Variants in ABCA13 observed in about 807,000 individuals in gnomAD.
ABCA13 encodes ATP-binding cassette sub-family A member 13.
ABCA13 carries 476 observed loss-of-function variants against 478.7 expected under a neutral mutation model. The ratio of observed to expected loss-of-function variants is 0.99; its 90% CI spans 0.92 to 1.07. The LOEUF is 1.07. ABCA13 is among the 50% of genes least tolerant of loss of function. ABCA13 has a pLI of 0.00. For synonymous variants in ABCA13, 2,252 were observed against 2,158.9 expected, an observed-to-expected ratio of 1.04 and a Z score of -1.20; for missense variants, 6,060 against 5,910.6, an observed-to-expected ratio of 1.03 and a Z score of -0.83.
intron 36 of ABCA13, 116 bp from the exon 37 acceptor site, chr7:48,388,924 G>C (rs1470415855): frequency 1.7e-6 from 2 of 1,200,218 alleles, no homozygotes; most frequent in Non-Finnish European, 2.4e-6. Context: ...GAGTTGATTT[G>C]TGTGCTTCAC....
chr7:48,309,875 G>T, intron 23 of ABCA13, 72 bp from the exon 24 acceptor site: 1 of 1,552,882 alleles, frequency 6.4e-7, no homozygotes. Context: ...TGCCGATGAA[G>T]CTCCGGTCTG....
At chr7:48,585,308 A>G (rs1271485195) in intron 56 of ABCA13, among the ~76,000 whole-genome samples, 3 of 152,344 alleles carry the variant, frequency 2.0e-5, no homozygotes, top group East Asian at 3.9e-4. Context: ...TTCATATAAA[A>G]CATTCTGGGG....
chr7:48,499,898 A>G (rs946341707), intron 48 of ABCA13, among the ~76,000 whole-genome samples: 1 of 152,196 alleles, frequency 6.6e-6, no homozygotes, highest in Non-Finnish European at 1.5e-5. Context: ...TGCTCAACAT[A>G]CAATGAAATC....
intron 29 of ABCA13, among the ~76,000 whole-genome samples, chr7:48,347,856 C>G (rs1808348473): frequency 6.6e-6 from 1 of 152,236 alleles, no homozygotes; most frequent in African/African-American, 2.4e-5. Context: ...TGAGTGCTCT[C>G]TATGTGCCAG....
intron 35 of ABCA13, among the ~76,000 whole-genome samples, chr7:48,382,131 C>T (rs1353728414): frequency 6.6e-6 from 1 of 152,182 alleles, no homozygotes; most frequent in Non-Finnish European, 1.5e-5. Flanking sequence ...TCCCTGAAGC[C>T]ATTACCTTAG....
In ABCA13 at chr7:48,279,123, A is replaced by T. The variant is rs201410529; in HGVS notation, c.7929A>T (p.Thr2643=). The T allele has an allele frequency of 6.2e-7, 1 of 1,609,638 alleles. No homozygotes were observed. ...DILEEIAEFL[T]SVKMNLEDMR... is the part of the protein sequence containing the mutation. ...TGGAAGAAATTGCTGAATTTTTAAC[A>T]TCTGTGAAAATGAACTTGGAAGATA... The change falls in exon 18 of 62, where the codon ACA becomes ACT. Residue 2643 remains threonine, a synonymous_variant. Transcript: ENST00000435803.
chr7:48,388,091 C>A, intron 36 of ABCA13, 132 bp downstream of exon 36: 1 of 966,812 alleles, frequency 1.0e-6, no homozygotes, highest in Non-Finnish European at 1.4e-6. Context: ...TTTAGGCTGT[C>A]TTGGGCTGGG....
rs777790505 is a variant in ABCA13 at position 48,278,973 on chromosome 7, A to G, written c.7779A>G (p.Pro2593=). ...AAAAGATAAATGATTTGTTGGTGCC[A>G]TTTCTTGACTTGGCCTTTGAAATGA... ...TFEKINDLLV[P]FLDLAFEMIG... Residue 2593 remains proline, a synonymous_variant, in exon 18 of 62, where the codon CCA becomes CCG. Coordinates refer to ENST00000435803, the MANE Select transcript of ABCA13 (RefSeq NM_152701.5). 13 of 1,613,432 alleles carry G rather than the reference A, an allele frequency of 8.1e-6. No individual in the cohort carries two copies. Among genetic ancestry groups the G allele is most frequent in the Non-Finnish European group, 1.0e-5 (12 of 1,179,814 alleles).
chr7:48,199,660 A>T (rs1015482592), intron 3 of ABCA13, among the ~76,000 whole-genome samples: 5 of 152,222 alleles, frequency 3.3e-5, no homozygotes, highest in African/African-American at 1.2e-4. Flanking sequence ...ATTTGAAAAT[A>T]CTGTAAAGTG....
chr7:48,324,561 C>A (rs879223263), intron 27 of ABCA13, among the ~76,000 whole-genome samples: 6 of 152,138 alleles, frequency 3.9e-5, no homozygotes, highest in Admixed American at 2.0e-4. Flanking sequence ...ACTTGTGAAC[C>A]CTGTCCTTAT....
At chr7:48,199,439 G>A (rs952666342) in intron 3 of ABCA13, among the ~76,000 whole-genome samples, 3 of 152,164 alleles carry the variant, frequency 2.0e-5, no homozygotes, top group Non-Finnish European at 2.9e-5. Context: ...ATAATGGAAG[G>A]GATGAGGCAT....
intron 15 of ABCA13, among the ~76,000 whole-genome samples, chr7:48,255,414 A>G (rs1440242258): frequency 6.6e-6 from 1 of 152,074 alleles, no homozygotes; most frequent in Non-Finnish European, 1.5e-5. Context: ...TCACCCAGGT[A>G]GTGAACATAG....
intron 52 of ABCA13, 118 bp downstream of exon 52, chr7:48,516,999 C>T: frequency 8.7e-7 from 1 of 1,152,278 alleles, no homozygotes; most frequent in African/African-American, 1.5e-5. Context: ...CATTGGTATC[C>T]ACTGTCTTTA....
chr7:48,447,689 A>C (rs989497185), intron 42 of ABCA13, among the ~76,000 whole-genome samples: 1 of 152,190 alleles, frequency 6.6e-6, no homozygotes, highest in African/African-American at 2.4e-5. Flanking sequence ...CACCTCAGGA[A>C]GGCAATACAT....
intron 32 of ABCA13, among the ~76,000 whole-genome samples, chr7:48,368,772 CAT>C (rs1160410652): frequency 1.7e-5 from 2 of 118,812 alleles, no homozygotes; most frequent in Admixed American, 8.5e-5. Context: ...CACACATATA[CAT>C]ATACACACAC....
rs577663182 is a variant in ABCA13 at position 48,353,922 on chromosome 7, C to G, written c.10688+1435C>G. Among the ~76,000 whole-genome samples the G allele has an allele frequency of 2.9e-4, 44 of 152,096 alleles. 1 individual carries two copies. Among genetic ancestry groups the G allele is most frequent in the African/African-American group, 8.9e-4 (37 of 41,380 alleles). On this transcript the variant is annotated intron_variant, in intron 31 of 61. Coordinates refer to ENST00000435803, the MANE Select transcript of ABCA13 (RefSeq NM_152701.5). ...CTTTCTTTGTAAAATGATAGCTTTT[C>G]TTTCTTTTCAAAGTGATGATATTTT...
chr7:48,210,529 C>T (rs551663946), intron 3 of ABCA13, among the ~76,000 whole-genome samples: 13 of 151,746 alleles, frequency 8.6e-5, no homozygotes, highest in Middle Eastern at 3.4e-3. Flanking sequence ...GGTTTTGGTA[C>T]GTTGTTTTTC....
chr7:48,621,891 C>T (rs1170965571), intron 59 of ABCA13, among the ~76,000 whole-genome samples: 2 of 152,196 alleles, frequency 1.3e-5, no homozygotes, highest in African/African-American at 4.8e-5. Flanking sequence ...CTTCAGCCAA[C>T]ACCAACTGCC....
At chr7:48,384,164 G>C (rs1814813169) in intron 35 of ABCA13, among the ~76,000 whole-genome samples, 1 of 152,242 alleles carries the variant, frequency 6.6e-6, no homozygotes, top group African/African-American at 2.4e-5. Context: ...CTGCGACTGA[G>C]TGTGGTTGCC....
Sources: allele counts gnomAD v4.1 joint callset (sites outside exome capture counted in the v4.1 genomes callset), GRCh38; gene constraint gnomAD v4.1.1; transcripts MANE v1.5; gene names NCBI Gene and HGNC (gene_info 2026-07-23, HGNC 2026-07-21).